The following MIER2 variants were observed in gnomAD, a reference collection of about 807,000 sequenced individuals.
The protein encoded by MIER2 is MIER family member 2, also known as mesoderm induction early response protein 2.
MIER2 carries 30 observed loss-of-function variants against 67.6 expected under a neutral mutation model. The ratio of observed to expected loss-of-function variants is 0.44; its 90% confidence interval spans 0.33 to 0.60. The LOEUF is 0.60. Ranked by LOEUF, MIER2 falls within the 20% of genes least tolerant of loss-of-function variation. The pLI is 0.02. For synonymous variants in MIER2, 372 were observed against 312.6 expected (o/e 1.19, Z -2.00); for missense variants, 702 against 745.1 (o/e 0.94, Z 0.67).
At chr19:321,828 C>A (rs1321749292) in intron 7 of MIER2, among the ~76,000 whole-genome samples, 1 of 152,100 alleles carries the variant, frequency 6.6e-6, no homozygotes, top group Non-Finnish European at 1.5e-5. Flanking sequence ...CTTACAGGCA[C>A]CTGATTTACC....
rs34351754 is a variant in MIER2, at chr19:338,170, C to CA, written c.10-1998dup. Among the ~76,000 whole-genome samples the CA allele has an allele frequency of 3.9e-3, 301 of 76,876 alleles. 28 individuals are homozygous for CA. The highest frequency in any genetic ancestry group is 7.6e-3 in the African/African-American group (180 of 23,756). 50.4% of individuals were successfully genotyped at this position (76,876 alleles called of 152,430 possible). A position where few individuals can be genotyped will look rare whatever the true frequency, so the allele number is the denominator to read the frequency against. ...CTGGCAATACAGCAAGACTCCATCT[C>CA]AAAAAAAAAAAAAAAAAAAAAAAAA... is the stretch of plus-strand genomic sequence containing the variant. On this transcript the variant is annotated intron_variant, in intron 1 of 13. Coordinates refer to ENST00000264819, the MANE Select transcript of MIER2 (RefSeq NM_017550.3).
At chr19:339,208 C>T (rs1357602495) in intron 1 of MIER2, among the ~76,000 whole-genome samples, 1 of 151,804 alleles carries the variant, frequency 6.6e-6, no homozygotes, top group African/African-American at 2.4e-5. Context: ...GAAAAATAAT[C>T]TATCTGATAA....
chr19:337,236 G>A (rs1339729840), intron 1 of MIER2, among the ~76,000 whole-genome samples: 1 of 152,114 alleles, frequency 6.6e-6, no homozygotes, highest in African/African-American at 2.4e-5. Flanking sequence ...CCACGACCAA[G>A]TAAGATTTAC....
chr19:335,389 T>TA (rs1972197506), intron 2 of MIER2, among the ~76,000 whole-genome samples: 1 of 152,142 alleles, frequency 6.6e-6, no homozygotes, highest in Non-Finnish European at 1.5e-5. Context: ...GGCACCTCGT[T>TA]AGAGTGAGGG....
chr19:321,886 GT>G (rs1331295740), intron 7 of MIER2, among the ~76,000 whole-genome samples: 1 of 151,884 alleles, frequency 6.6e-6, no homozygotes, highest in African/African-American at 2.4e-5. Flanking sequence ...GACTTTTGTT[GT>G]TTTTATTTTT....
chr19:344,411 G>A (rs1326936500), intron 1 of MIER2: 1 of 983,246 alleles, frequency 1.0e-6, no homozygotes, highest in Non-Finnish European at 1.2e-6. Flanking sequence ...GCCCGGGCCG[G>A]GGCCGGGAAC....
chr19:310,618 A>ACGGCC (rs1970935602), intron 10 of MIER2, among the ~76,000 whole-genome samples: 1 of 144,588 alleles, frequency 6.9e-6, no homozygotes, highest in African/African-American at 2.6e-5. Context: ...CTATAGAAAC[A>ACGGCC]CAGCCCGGAG....
chr19:311,977 A>G, intron 9 of MIER2, 38 bp from the exon 10 acceptor site: 1 of 1,592,150 alleles, frequency 6.3e-7, no homozygotes, highest in Non-Finnish European at 8.6e-7. Flanking sequence ...AGTGGTGCCC[A>G]GGGCGGGGCC....
intron 7 of MIER2, among the ~76,000 whole-genome samples, chr19:320,306 G>A (rs999092286): frequency 4.6e-5 from 7 of 152,038 alleles, no homozygotes; most frequent in African/African-American, 1.2e-4. Flanking sequence ...ACTTGAGCCC[G>A]GGAGCAGAGG....
chr19:336,193 G>T lies in MIER2; in HGVS notation c.10-20C>A. ...GGAGGCCTGCGAAGGAAGAGAGGCA[G>T]GGTTAGCTCGGCCGGCCCAAAACCT... On this transcript the variant is annotated intron_variant, in intron 1 of 13. Transcript: ENST00000264819. 4 of 1,605,422 alleles carry T rather than the reference G, an allele frequency of 2.5e-6. No individual in the cohort carries two copies. Among genetic ancestry groups the T allele is most frequent in the Non-Finnish European group, 3.4e-6 (4 of 1,174,208 alleles).
intron 1 of MIER2, 129 bp downstream of exon 1, chr19:344,644 GC>G: frequency 1.8e-6 from 1 of 544,456 alleles, no homozygotes; most frequent in African/African-American, 2.1e-5. Flanking sequence ...CGGGCCAGGC[GC>G]CCCGGCCGGC....
intron 7 of MIER2, among the ~76,000 whole-genome samples, chr19:325,357 G>C (rs1971692253): frequency 6.6e-6 from 1 of 152,306 alleles, no homozygotes; most frequent in Non-Finnish European, 1.5e-5. Flanking sequence ...GTCAAGGGCA[G>C]GGCAGGGCTG....
chr19:315,752 G>A (rs1441645305), intron 7 of MIER2, among the ~76,000 whole-genome samples: 5 of 152,230 alleles, frequency 3.3e-5, no homozygotes, highest in African/African-American at 9.6e-5. Flanking sequence ...GAGTGACAGA[G>A]AAAGCAAAGA....
chr19:325,672 G>C lies in MIER2; in HGVS notation c.618C>G (p.Asp206Glu). The change falls in exon 7 of 14, where the codon GAC becomes GAG. Residue 206 changes from aspartate (D) to glutamate (E), a missense_variant. Asp to Glu is a conservative substitution (Grantham distance 45). This residue lies in a region of MIER2 where 320 missense variants were observed against 292.6 expected (regional missense o/e 1.09). Transcript: ENST00000264819. ...EIMVGPQFQA[D>E]LSNLHLNRHC... ...GCCGGTTCAAGTGCAGGTTGCTGAGGTCAGCTTGGAACTGAGGTCCCACCA... is the reference window on the plus strand; with the variant it reads ...GCCGGTTCAAGTGCAGGTTGCTGAGCTCAGCTTGGAACTGAGGTCCCACCA... 1.2e-6 allele frequency: 2 copies of C among 1,614,220 alleles called. No homozygotes were observed. The highest frequency in any genetic ancestry group is 8.5e-7 in the Non-Finnish European group (1 of 1,180,028).
chr19:335,979 C>A, intron 2 of MIER2, 104 bp downstream of exon 2: 2 of 1,132,176 alleles, frequency 1.8e-6, no homozygotes, highest in Non-Finnish European at 2.6e-6. Context: ...ACTCTGGAAG[C>A]CAGTGTGCCG....
intron 5 of MIER2, 48 bp downstream of exon 5, chr19:327,085 C>G (rs1452000290): frequency 5.8e-6 from 9 of 1,551,684 alleles, no homozygotes; most frequent in Non-Finnish European, 7.8e-6. Flanking sequence ...TCACGACTGC[C>G]TGGCAGGGGG....
At chr19:321,240 A>T (rs570760510) in intron 7 of MIER2, among the ~76,000 whole-genome samples, 3 of 152,242 alleles carry the variant, frequency 2.0e-5, no homozygotes, top group Non-Finnish European at 4.4e-5. Context: ...ACCAGCACAG[A>T]ACCCACAAAT....
chr19:331,187 T>C (rs899807808), intron 3 of MIER2, among the ~76,000 whole-genome samples: 2 of 151,588 alleles, frequency 1.3e-5, no homozygotes, highest in Admixed American at 1.3e-4. Flanking sequence ...TGGTAAAACC[T>C]CGTCTCTACT....
At chr19:321,367 G>T (rs547984024) in intron 7 of MIER2, among the ~76,000 whole-genome samples, 6 of 152,140 alleles carry the variant, frequency 3.9e-5, no homozygotes, top group African/African-American at 1.2e-4. Context: ...TTTATGGGCC[G>T]GGCGCAGGGG....
Sources: allele counts gnomAD v4.1 joint callset (sites outside exome capture counted in the v4.1 genomes callset), GRCh38; gene constraint gnomAD v4.1.1; regional missense constraint gnomAD v4.1.1; transcripts MANE v1.5; gene names NCBI Gene and HGNC (gene_info 2026-07-23, HGNC 2026-07-21).